HSPB8: variants seen among roughly 807,000 people sequenced by gnomAD.
The protein encoded by HSPB8 is heat shock protein beta-8.
Under a neutral mutation model 16.5 loss-of-function variants are expected in HSPB8, and 9 were observed. The observed-to-expected ratio is 0.55, with a 90% CI of 0.33 to 0.95. The LOEUF (loss-of-function observed/expected upper bound fraction) is 0.95. HSPB8 is among the 40% of genes least tolerant of loss of function. The pLI, the probability that HSPB8 is intolerant of heterozygous loss-of-function variation, is 0.03. For missense variants in HSPB8, 238 were observed against 251.2 expected (o/e 0.95, Z 0.35); for synonymous variants, 99 against 94.8 (o/e 1.04, Z -0.26).
chr12:119,188,602 A>G (rs1391435880), intron 2 of HSPB8, among the ~76,000 whole-genome samples: 3 of 152,166 alleles, frequency 2.0e-5, no homozygotes, highest in Non-Finnish European at 2.9e-5. Flanking sequence ...AAAAGTGTGC[A>G]TCGGAGAGGA....
At chr12:119,189,300 GGGGTGT>G (rs1296028986) in intron 2 of HSPB8, among the ~76,000 whole-genome samples, 6 of 92,904 alleles carry the variant, frequency 6.5e-5, no homozygotes, top group Non-Finnish European at 1.1e-4. Context: ...CATCTTAAAA[GGGGTGT>G]GTGTGTGTGT....
At chr12:119,193,416 C>T (rs992575194) in intron 2 of HSPB8, among the ~76,000 whole-genome samples, 1 of 152,176 alleles carries the variant, frequency 6.6e-6, no homozygotes, top group Non-Finnish European at 1.5e-5. Context: ...ACTGTTCAAA[C>T]AGCATTTTAC....
In HSPB8 at chr12:119,193,955, T is replaced by C; in HGVS notation, c.*97T>C. On this transcript the variant is annotated 3_prime_UTR_variant, in exon 3 of 3. Transcript: ENST00000281938. ...TAGCTGAACTCAGATTTAGTGCAAG[T>C]AAAATGTTAGAGGGTGCGGGGGTGA... 2 of 1,386,414 alleles carry C rather than the reference T, an allele frequency of 1.4e-6. No individual in the cohort carries two copies. The highest frequency in any genetic ancestry group is 2.0e-6 in the Non-Finnish European group (2 of 975,820). The allele number at this position is 1,386,414 out of a possible 1,614,324, so 85.9% of individuals were successfully genotyped here.
chr12:119,181,687 G>C (rs889593842), intron 1 of HSPB8, among the ~76,000 whole-genome samples: 9 of 152,116 alleles, frequency 5.9e-5, no homozygotes, highest in African/African-American at 2.2e-4. Context: ...ATGAATAATA[G>C]ATGCTCTTTG....
intron 1 of HSPB8, 33 bp from the exon 2 acceptor site, chr12:119,186,992 G>A (rs764404809): frequency 6.2e-7 from 1 of 1,608,330 alleles, no homozygotes; most frequent in Non-Finnish European, 8.5e-7. Flanking sequence ...AAGGAACATA[G>A]ATGCTGACAC....
Position 119,179,055 on chromosome 12 carries a change from C to T in HSPB8, c.-258C>T. The T allele has an allele frequency of 3.6e-6, 2 of 555,654 alleles. No homozygotes were observed. Among genetic ancestry groups the T allele is most frequent in the Non-Finnish European group, 6.5e-6 (2 of 309,182 alleles). The allele number at this position is 555,654 out of a possible 1,614,324, so 34.4% of individuals were successfully genotyped here. A position where few individuals can be genotyped will look rare whatever the true frequency, so the allele number is the denominator to read the frequency against. ...CCTGGGAGGACGGTGGCTTGCCGGT[C>T]TGTCGTGAGGCAGTGCGGACGGGGA... On this transcript the variant is annotated 5_prime_UTR_variant, in exon 1 of 3. Coordinates refer to ENST00000281938, the MANE Select transcript of HSPB8 (RefSeq NM_014365.3).
intron 1 of HSPB8, 29 bp from the exon 2 acceptor site, chr12:119,186,996 C>A: frequency 6.2e-7 from 1 of 1,610,314 alleles, no homozygotes; most frequent in South Asian, 1.1e-5. Flanking sequence ...AACATAGATG[C>A]TGACACGCCA....
chr12:119,193,612 A>T, intron 2 of HSPB8, 87 bp from the exon 3 acceptor site: 1 of 1,436,142 alleles, frequency 7.0e-7, no homozygotes, highest in Non-Finnish European at 9.7e-7. Context: ...CTAAGCTCTT[A>T]TCAAAAATAT....
Position 119,179,283 on chromosome 12 carries a change from C to T in HSPB8, c.-30C>T, listed in dbSNP as rs758781718. 1 of 1,611,676 alleles carries T rather than the reference C, an allele frequency of 6.2e-7. No homozygotes were observed. The highest frequency in any genetic ancestry group is 8.5e-7 in the Non-Finnish European group (1 of 1,179,274). On this transcript the variant is annotated 5_prime_UTR_variant, in exon 1 of 3. Coordinates refer to ENST00000281938, the MANE Select transcript of HSPB8 (RefSeq NM_014365.3). Reference sequence around the variant, plus strand: ...GGCAGGTGGTTCTGTCTCTCTGAGCCTCTGTTTCTCTCTGAGCTGAGCAGC... The same window carrying T: ...GGCAGGTGGTTCTGTCTCTCTGAGCTTCTGTTTCTCTCTGAGCTGAGCAGC...
At chr12:119,183,494 T>C (rs983884893) in intron 1 of HSPB8, among the ~76,000 whole-genome samples, 1 of 152,216 alleles carries the variant, frequency 6.6e-6, no homozygotes, top group East Asian at 1.9e-4. Context: ...GTGTTCCACC[T>C]ACATTTCTCT....
chr12:119,187,951 G>A (rs1171479551), intron 2 of HSPB8, among the ~76,000 whole-genome samples: 3 of 152,176 alleles, frequency 2.0e-5, no homozygotes, highest in Non-Finnish European at 2.9e-5. Context: ...GAGACACTGG[G>A]ACACAGGAAG....
At chr12:119,193,375 T>C (rs927556967) in intron 2 of HSPB8, among the ~76,000 whole-genome samples, 21 of 152,346 alleles carry the variant, frequency 1.4e-4, no homozygotes, top group African/African-American at 5.1e-4. Flanking sequence ...ACCAAATATG[T>C]GGGCCACAGC....
At chr12:119,186,843 G>T in intron 1 of HSPB8, 182 bp from the exon 2 acceptor site, 1 of 642,340 alleles carries the variant, frequency 1.6e-6, no homozygotes, top group Non-Finnish European at 2.8e-6. Flanking sequence ...AGCCTTGGAA[G>T]TGGACTTAGG....
At chr12:119,188,247 CTTT>C (rs757724355) in intron 2 of HSPB8, among the ~76,000 whole-genome samples, 4 of 87,570 alleles carry the variant, frequency 4.6e-5, no homozygotes, top group East Asian at 2.6e-4. Context: ...CTCTCTCTCT[CTTT>C]TTTTTTTTTT....
At chr12:119,190,502 T>G (rs1954705951) in intron 2 of HSPB8, among the ~76,000 whole-genome samples, 1 of 152,204 alleles carries the variant, frequency 6.6e-6, no homozygotes, top group African/African-American at 2.4e-5. Context: ...GGGAGAGGTC[T>G]TGGGTCTCAG....
chr12:119,187,449 G>T (rs1174548116), intron 2 of HSPB8, among the ~76,000 whole-genome samples: 1 of 152,140 alleles, frequency 6.6e-6, no homozygotes, highest in Non-Finnish European at 1.5e-5. Context: ...CCACCTCCTG[G>T]GTTCAAGCGG....
At chr12:119,193,647 G>T (rs1954725627) in intron 2 of HSPB8, 52 bp from the exon 3 acceptor site, 1 of 1,580,058 alleles carries the variant, frequency 6.3e-7, no homozygotes, top group African/African-American at 1.3e-5. Flanking sequence ...ATAAAAGAAT[G>T]TTTAAGCAAT....
At chr12:119,190,600 A>AT (rs1207400024) in intron 2 of HSPB8, among the ~76,000 whole-genome samples, 1 of 151,880 alleles carries the variant, frequency 6.6e-6, no homozygotes, top group African/African-American at 2.4e-5. Context: ...CATCTTCACT[A>AT]TTTTTTGCCT....
intron 1 of HSPB8, among the ~76,000 whole-genome samples, chr12:119,183,671 A>G (rs1190338898): frequency 6.6e-6 from 1 of 152,216 alleles, no homozygotes; most frequent in African/African-American, 2.4e-5. Context: ...AAAATCACTC[A>G]TAATCCTTAA....
Sources: gnomAD v4.1 joint callset for allele counts (sites outside exome capture counted in the v4.1 genomes callset) on GRCh38, gnomAD v4.1.1 for gene constraint, MANE v1.5 for transcripts, NCBI Gene and HGNC (gene_info 2026-07-23, HGNC 2026-07-21) for gene names.